The following LPP variants were observed in gnomAD, a reference collection of about 807,000 sequenced individuals.
LPP encodes the protein lipoma-preferred partner.
Under a neutral mutation model 60.4 loss-of-function variants are expected in LPP, and 38 were observed. That is an observed-to-expected ratio of 0.63 (90% CI 0.49 to 0.83). The LOEUF is 0.83. LPP is among the 40% of genes least tolerant of loss of function. LPP has a pLI of 0.00. For missense variants in LPP, 902 were observed against 783.6 expected (o/e 1.15, Z -1.80); for synonymous variants, 328 against 290.8 (o/e 1.13, Z -1.30).
Position 188,376,131 on chromosome 3 carries a change from G to A in LPP, c.-9-29981G>A, listed in dbSNP as rs149380896. Among the ~76,000 whole-genome samples the A allele has an allele frequency of 3.3e-3, 500 of 152,210 alleles. 8 individuals carry two copies. Among genetic ancestry groups the A allele is most frequent in the African/African-American group, 0.012 (491 of 41,526 alleles). ...AGGAGTGCTTTACTTCCAACTATGT[G>A]GTCAATGTTGGAGTAGGTGTGGTGT... On this transcript the variant is annotated intron_variant, in intron 3 of 11. Transcript: ENST00000617246.
At chr3:188,741,241 A>T (rs1329661272) in intron 8 of LPP, among the ~76,000 whole-genome samples, 1 of 150,528 alleles carries the variant, frequency 6.6e-6, no homozygotes, top group Non-Finnish European at 1.5e-5. Context: ...TTTCCTTTGA[A>T]TTGGGGGGGG....
intron 9 of LPP, among the ~76,000 whole-genome samples, chr3:188,844,580 G>A (rs1381710114): frequency 1.3e-5 from 2 of 152,200 alleles, no homozygotes; most frequent in Non-Finnish European, 2.9e-5. Flanking sequence ...CAAGGGAATT[G>A]AGAGGTTCGT....
At chr3:188,869,212 T>C (rs1228773455) in intron 10 of LPP, among the ~76,000 whole-genome samples, 3 of 152,112 alleles carry the variant, frequency 2.0e-5, no homozygotes, top group Admixed American at 6.5e-5. Context: ...GGAGTAGAGA[T>C]TACCTTGAGA....
intron 2 of LPP, among the ~76,000 whole-genome samples, chr3:188,246,807 G>A (rs1577532410): frequency 6.6e-6 from 1 of 152,274 alleles, no homozygotes; most frequent in Admixed American, 6.5e-5. Context: ...TGGAGGCTTA[G>A]TCACACAAAA....
In LPP at chr3:188,485,796, C is replaced by CAAA. The variant is rs766522013; in HGVS notation, c.306+1108_306+1110dup. Among the ~76,000 whole-genome samples the CAAA allele has an allele frequency of 3.0e-3, 120 of 40,154 alleles. 11 individuals carry two copies. Among genetic ancestry groups the CAAA allele is most frequent in the East Asian group, 7.6e-3 (9 of 1,186 alleles). The allele number at this position is 40,154 out of a possible 152,430, so 26.3% of individuals were successfully genotyped here. A position where few individuals can be genotyped will look rare whatever the true frequency, so the allele number is the denominator to read the frequency against. Reference sequence around the variant, plus strand: ...TGGGCGACAGAGCGAGACTCCGTCTCAAAAAAAAAAAAAAAAAATGGAATG... The same window carrying CAAA: ...TGGGCGACAGAGCGAGACTCCGTCTCAAAAAAAAAAAAAAAAAAAAATGGAATG... On this transcript the variant is annotated intron_variant, in intron 5 of 11. Coordinates refer to ENST00000617246, the MANE Select transcript of LPP (RefSeq NM_001375462.1).
At chr3:188,745,130 T>C (rs1388744562) in intron 8 of LPP, among the ~76,000 whole-genome samples, 1 of 152,154 alleles carries the variant, frequency 6.6e-6, no homozygotes, top group Non-Finnish European at 1.5e-5. Context: ...AGCTTTCTTA[T>C]ATGACTCTCA....
intron 8 of LPP, among the ~76,000 whole-genome samples, chr3:188,750,639 TA>T (rs558437618): frequency 6.0e-4 from 89 of 148,798 alleles, no homozygotes; most frequent in African/African-American, 1.5e-3. Context: ...TCTCAAAAAA[TA>T]AAAAAAAAAG....
chr3:188,194,215 A>G (rs1008795910), intron 1 of LPP, among the ~76,000 whole-genome samples: 1 of 152,248 alleles, frequency 6.6e-6, no homozygotes, highest in African/African-American at 2.4e-5. Flanking sequence ...AAAGAATCCA[A>G]TTGATCATCT....
At chr3:188,799,127 A>T (rs1321503930) in intron 9 of LPP, among the ~76,000 whole-genome samples, 1 of 152,268 alleles carries the variant, frequency 6.6e-6, no homozygotes, top group Admixed American at 6.5e-5. Flanking sequence ...GAGCAAGAAC[A>T]TTCCAATTCT....
intron 7 of LPP, among the ~76,000 whole-genome samples, chr3:188,707,148 T>A (rs1865641071): frequency 6.6e-6 from 1 of 152,174 alleles, no homozygotes; most frequent in Non-Finnish European, 1.5e-5. Flanking sequence ...CGCCCGCCTA[T>A]TTATTTTTTA....
chr3:188,422,955 G>GTA (rs1294676365), intron 4 of LPP, among the ~76,000 whole-genome samples: 1 of 147,144 alleles, frequency 6.8e-6, no homozygotes, highest in East Asian at 2.1e-4. Context: ...GTGTGTGTGT[G>GTA]TGTTTTAATT....
intron 6 of LPP, among the ~76,000 whole-genome samples, chr3:188,533,748 G>C (rs17605260): frequency 1.3e-5 from 2 of 151,924 alleles, no homozygotes; most frequent in Non-Finnish European, 2.9e-5. Flanking sequence ...TTTTGAATTA[G>C]CCTGTACCCG....
At chr3:188,731,770 C>T (rs372789904) in intron 8 of LPP, among the ~76,000 whole-genome samples, 1 of 152,164 alleles carries the variant, frequency 6.6e-6, no homozygotes, top group Non-Finnish European at 1.5e-5. Context: ...GATCCACCCA[C>T]CTCAGCCTCC....
At position 188,884,612 on chromosome 3, in the gene LPP, C is replaced by G; in HGVS notation, c.*10133C>G. 1 of 230,264 alleles carries G rather than the reference C, an allele frequency of 4.3e-6. No individual in the cohort carries two copies. Among genetic ancestry groups the G allele is most frequent in the Non-Finnish European group, 8.6e-6 (1 of 116,150 alleles). 14.3% of individuals were successfully genotyped at this position (230,264 alleles called of 1,614,324 possible). ...GAGAGTTCCTTTACATTCCATTCACCAAAAACCTCTCTGGAACTGTCAGGT... is the reference window on the plus strand; with the variant it reads ...GAGAGTTCCTTTACATTCCATTCACGAAAAACCTCTCTGGAACTGTCAGGT... On this transcript the variant is annotated 3_prime_UTR_variant, in exon 12 of 12. Coordinates refer to ENST00000617246, the MANE Select transcript of LPP (RefSeq NM_001375462.1).
chr3:188,403,510 C>G (rs1782720910), intron 3 of LPP, among the ~76,000 whole-genome samples: 1 of 152,114 alleles, frequency 6.6e-6, no homozygotes, highest in African/African-American at 2.4e-5. Flanking sequence ...AAGTTTTAAA[C>G]CTTTACTTGA....
At chr3:188,740,994 T>C (rs528885070) in intron 8 of LPP, among the ~76,000 whole-genome samples, 113 of 152,082 alleles carry the variant, frequency 7.4e-4, no homozygotes, top group Non-Finnish European at 1.5e-3. Context: ...TATCTGCAAA[T>C]GCCTTTCTGG....
At chr3:188,663,113 A>G (rs1854965916) in intron 7 of LPP, among the ~76,000 whole-genome samples, 1 of 152,214 alleles carries the variant, frequency 6.6e-6, no homozygotes, top group East Asian at 1.9e-4. Flanking sequence ...AAACAAACAA[A>G]CAAACATGAT....
chr3:188,456,964 A>G (rs993749486), intron 4 of LPP, among the ~76,000 whole-genome samples: 3 of 152,322 alleles, frequency 2.0e-5, no homozygotes, highest in East Asian at 1.9e-4. Flanking sequence ...TGATAGTGAC[A>G]TTAACTCTTC....
intron 9 of LPP, among the ~76,000 whole-genome samples, chr3:188,794,836 C>T (rs1473900988): frequency 2.6e-5 from 4 of 151,968 alleles, no homozygotes; most frequent in African/African-American, 7.2e-5. Context: ...GGTAGCTAGC[C>T]GTGTTAGAAG....
Sources: gnomAD v4.1 joint callset for allele counts (sites outside exome capture counted in the v4.1 genomes callset) on GRCh38, gnomAD v4.1.1 for gene constraint, MANE v1.5 for transcripts, NCBI Gene and HGNC (gene_info 2026-07-23, HGNC 2026-07-21) for gene names.